Variants in ST18 observed in about 807,000 individuals in gnomAD.
ST18 encodes ST18 C2H2C-type zinc finger transcription factor.
In ST18, 50 loss-of-function variants were observed where a neutral mutation model predicts 110.0. The ratio of observed to expected loss-of-function variants is 0.45; its 90% CI spans 0.36 to 0.58. ST18 has a LOEUF of 0.58. Ranked by LOEUF, ST18 falls within the 20% of genes least tolerant of loss-of-function variation. The probability of loss-of-function intolerance (pLI) is 0.00; values close to 1 mark genes in which losing one functional copy is unlikely to be tolerated. For synonymous variants in ST18, 461 were observed against 452.4 expected (o/e 1.02, Z -0.24); for missense variants, 1,306 against 1,280.1 (o/e 1.02, Z -0.31).
At chr8:52,254,843 A>C (rs1457184097) in intron 2 of ST18, among the ~76,000 whole-genome samples, 1 of 152,198 alleles carries the variant, frequency 6.6e-6, no homozygotes, top group Admixed American at 6.5e-5. Context: ...TTCAGTGACT[A>C]AGAAGGCAAC....
chr8:52,166,561 C>T (rs1037135675), intron 11 of ST18, among the ~76,000 whole-genome samples: 4 of 152,214 alleles, frequency 2.6e-5, no homozygotes, highest in African/African-American at 9.7e-5. Context: ...CCTGAACTCC[C>T]TGGTGCTTTC....
At chr8:52,228,535 T>A (rs1302141424) in intron 3 of ST18, among the ~76,000 whole-genome samples, 1 of 152,120 alleles carries the variant, frequency 6.6e-6, no homozygotes, top group African/African-American at 2.4e-5. Context: ...CAAAACCAAT[T>A]TATTTTTTTA....
At chr8:52,254,026 TA>T (rs1399715736) in intron 2 of ST18, among the ~76,000 whole-genome samples, 1 of 151,706 alleles carries the variant, frequency 6.6e-6, no homozygotes, top group East Asian at 1.9e-4. Context: ...ACATTTAAAA[TA>T]ATGCTCAAAT....
intron 2 of ST18, among the ~76,000 whole-genome samples, chr8:52,350,933 G>T (rs1820039172): frequency 6.6e-6 from 1 of 151,860 alleles, no homozygotes; most frequent in Non-Finnish European, 1.5e-5. Context: ...TGTTAGTCAG[G>T]ATGGTCTCTA....
At chr8:52,247,301 A>G (rs963360307) in intron 2 of ST18, among the ~76,000 whole-genome samples, 3 of 152,224 alleles carry the variant, frequency 2.0e-5, no homozygotes, top group African/African-American at 7.2e-5. Context: ...AAAAAAATAT[A>G]TATTTCAGAT....
intron 8 of ST18, among the ~76,000 whole-genome samples, chr8:52,207,338 C>T (rs145993832): frequency 9.1e-4 from 139 of 152,060 alleles, no homozygotes; most frequent in African/African-American, 3.3e-3. Context: ...AGAAAATAAA[C>T]AAAATTAGCT....
intron 2 of ST18, among the ~76,000 whole-genome samples, chr8:52,347,104 T>TGTA (rs1818139965): frequency 6.6e-6 from 1 of 152,238 alleles, no homozygotes; most frequent in African/African-American, 2.4e-5. Flanking sequence ...AAGGTAGCTA[T>TGTA]GTAGTCCTGG....
intron 2 of ST18, among the ~76,000 whole-genome samples, chr8:52,241,018 C>T (rs1006625043): frequency 6.6e-6 from 1 of 152,234 alleles, no homozygotes; most frequent in Non-Finnish European, 1.5e-5. Context: ...TAAACAACCT[C>T]TTCCTTCTGA....
At chr8:52,288,221 C>T (rs556568143) in intron 2 of ST18, among the ~76,000 whole-genome samples, 1 of 152,162 alleles carries the variant, frequency 6.6e-6, no homozygotes, top group Admixed American at 6.5e-5. Context: ...AAGCCACTCA[C>T]GTCCACTGTG....
At chr8:52,371,747 G>A (rs568876696) in intron 2 of ST18, among the ~76,000 whole-genome samples, 1 of 152,202 alleles carries the variant, frequency 6.6e-6, no homozygotes, top group South Asian at 2.1e-4. Context: ...AGACTATAAT[G>A]GAGTTGGAAA....
At chr8:52,344,766 G>A (rs190807283) in intron 2 of ST18, among the ~76,000 whole-genome samples, 1 of 152,236 alleles carries the variant, frequency 6.6e-6, no homozygotes, top group Non-Finnish European at 1.5e-5. Flanking sequence ...TACATCACCT[G>A]AGATTATTAA....
chr8:52,332,193 T>G (rs373411709), intron 2 of ST18, among the ~76,000 whole-genome samples: 5 of 152,106 alleles, frequency 3.3e-5, no homozygotes, highest in African/African-American at 1.2e-4. Flanking sequence ...AAACAGTAAT[T>G]AAAATCAAAT....
intron 2 of ST18, among the ~76,000 whole-genome samples, chr8:52,389,077 C>G (rs1164621245): frequency 6.6e-6 from 1 of 151,182 alleles, no homozygotes; most frequent in Non-Finnish European, 1.5e-5. Context: ...TGCATGAAGC[C>G]CCGAGAGCCA....
intron 2 of ST18, among the ~76,000 whole-genome samples, chr8:52,350,720 T>C (rs1217633011): frequency 2.0e-5 from 3 of 151,626 alleles, no homozygotes; most frequent in Non-Finnish European, 4.4e-5. Flanking sequence ...TTGATATATA[T>C]ATACTTTTTT....
At chr8:52,262,407 G>A (rs566056622) in intron 2 of ST18, among the ~76,000 whole-genome samples, 18 of 152,264 alleles carry the variant, frequency 1.2e-4, no homozygotes, top group South Asian at 6.2e-4. Context: ...TTCTAGTATG[G>A]CAGTAAAACC....
intron 8 of ST18, among the ~76,000 whole-genome samples, 179 bp downstream of exon 8, chr8:52,211,900 G>A (rs752834725): frequency 1.1e-4 from 16 of 152,058 alleles, no homozygotes; most frequent in Admixed American, 1.0e-3. Context: ...GTTCAGGATC[G>A]AGTATCAGTA....
intron 2 of ST18, among the ~76,000 whole-genome samples, chr8:52,350,753 C>T (rs1819927312): frequency 6.6e-6 from 1 of 151,250 alleles, no homozygotes; most frequent in African/African-American, 2.4e-5. Context: ...TGGAGTCTCG[C>T]TCTGTTGCCC....
chr8:52,158,876 C>G (rs768499621), intron 15 of ST18, 22 bp downstream of exon 15: 2 of 1,613,660 alleles, frequency 1.2e-6, no homozygotes, highest in East Asian at 4.5e-5. Flanking sequence ...GGCCCACCCT[C>G]CGGGCTCTTG....
intron 8 of ST18, among the ~76,000 whole-genome samples, chr8:52,186,523 AAC>A (rs1205358950): frequency 6.6e-6 from 1 of 152,214 alleles, no homozygotes; most frequent in African/African-American, 2.4e-5. Context: ...ACTAAAGGTG[AAC>A]AGATGTCTAC....
Sources: allele counts gnomAD v4.1 joint callset (sites outside exome capture counted in the v4.1 genomes callset), GRCh38; gene constraint gnomAD v4.1.1; transcripts MANE v1.5; gene names NCBI Gene and HGNC (gene_info 2026-07-23, HGNC 2026-07-21).